Variants in FOXK1 observed in about 807,000 individuals in gnomAD.
The protein encoded by FOXK1 is forkhead box K1.
A neutral mutation model predicts 51.9 loss-of-function variants in FOXK1; 19 were observed. That is an observed-to-expected ratio of 0.37 (90% confidence interval 0.26 to 0.54). FOXK1 has a LOEUF of 0.54. Among genes scored for constraint, FOXK1 ranks in the 20% least tolerant of loss-of-function variants. FOXK1 has a pLI of 0.87. For missense variants in FOXK1, 870 were observed against 1,032.7 expected (o/e 0.84, Z 2.16); for synonymous variants, 537 against 482.6 (o/e 1.11, Z -1.48).
Position 4,762,291 on chromosome 7 carries a change from G to A in FOXK1, c.2029G>A (p.Ala677Thr), listed in dbSNP as rs776753169. The A allele has an allele frequency of 3.4e-5, 53 of 1,550,220 alleles. No homozygotes were observed. The East Asian group carries it at 4.6e-4, about 14-fold the overall frequency. ...VGPKEPAAAV[A>T]ATATTTPATA... ...GCCCAAGGAGCCAGCAGCAGCCGTC[G>A]CGGCCACGGCCACCACCACCCCAGC... The change falls in exon 9 of 9, where the codon GCG (alanine) becomes ACG (threonine). Residue 677 changes from alanine (A) to threonine (T), a missense_variant. By Grantham distance (58) the Ala-to-Thr change is moderately conservative. Coordinates refer to ENST00000328914, the MANE Select transcript of FOXK1 (RefSeq NM_001037165.2). The surrounding 1 kb of genome is among the most constrained non-coding windows in gnomAD (Gnocchi z 5.7).
Position 4,755,212 on chromosome 7 carries a change from TC to T in FOXK1, c.904-22del, listed in dbSNP as rs771259633. ...GACTCAGGGACCTTGCTGGAGCTCA[TC>T]CCGTGAGCCGTGTTTCTCCGCAGGA... On this transcript the variant is annotated intron_variant, in intron 3 of 8. Coordinates refer to ENST00000328914, the MANE Select transcript of FOXK1 (RefSeq NM_001037165.2). This position sits in a 1 kb window ranked among gnomAD's most constrained non-coding sequence, Gnocchi z 6.6. 8.7e-6 allele frequency: 14 copies of T among 1,611,554 alleles called. No homozygotes were observed. Among genetic ancestry groups the T allele is most frequent in the Non-Finnish European group, 1.2e-5 (14 of 1,178,624 alleles).
At position 4,767,646 on chromosome 7, in the gene FOXK1, G is replaced by A. The variant is rs758269685; in HGVS notation, c.*5182G>A. 1.3e-5 allele frequency: 2 copies of A among 152,146 alleles called. No homozygotes were observed. Among genetic ancestry groups the A allele is most frequent in the Non-Finnish European group, 2.9e-5 (2 of 68,032 alleles). The allele number at this position is 152,146 out of a possible 1,614,324, so 9.4% of individuals were successfully genotyped here. ...AAATATAACAAATGGTCTCTCGCCC[G>A]GTTCTGTCCCTTATTTTTAGATTGT... is the stretch of plus-strand genomic sequence containing the variant. On this transcript the variant is annotated 3_prime_UTR_variant, in exon 9 of 9. Transcript: ENST00000328914. This position sits in a 1 kb window ranked among gnomAD's most constrained non-coding sequence, Gnocchi z 6.6.
At chr7:4,739,162 C>T (rs1780596510) in intron 1 of FOXK1, among the ~76,000 whole-genome samples, 1 of 152,150 alleles carries the variant, frequency 6.6e-6, no homozygotes, top group Admixed American at 6.5e-5. Context: ...AGGCATAGAC[C>T]CAGCAGCCTG....
intron 1 of FOXK1, among the ~76,000 whole-genome samples, chr7:4,697,338 C>T (rs1479557699): frequency 2.6e-5 from 4 of 152,202 alleles, no homozygotes; most frequent in African/African-American, 7.2e-5. Context: ...AACAGCTAGC[C>T]GGTATTCACG....
intron 1 of FOXK1, among the ~76,000 whole-genome samples, chr7:4,716,087 G>A (rs1307718624): frequency 1.3e-5 from 2 of 152,138 alleles, no homozygotes; most frequent in Admixed American, 6.5e-5. Context: ...CAGGCGTGGT[G>A]GTGGGTGCCT....
At chr7:4,742,197 A>G (rs558378328) in intron 2 of FOXK1, among the ~76,000 whole-genome samples, 1 of 152,306 alleles carries the variant, frequency 6.6e-6, no homozygotes, top group Admixed American at 6.5e-5. Context: ...TGTTGTGAAC[A>G]TGGTGTTGAC....
rs1323789712 is a variant in FOXK1, at chr7:4,768,558, C to T, written c.*6094C>T. 1 of 152,746 alleles carries T rather than the reference C, an allele frequency of 6.5e-6. No individual in the cohort carries two copies. The highest frequency in any genetic ancestry group is 1.9e-4 in the East Asian group (1 of 5,186). 9.5% of individuals were successfully genotyped at this position (152,746 alleles called of 1,614,324 possible). On this transcript the variant is annotated 3_prime_UTR_variant, in exon 9 of 9. Coordinates refer to ENST00000328914, the MANE Select transcript of FOXK1 (RefSeq NM_001037165.2). ...TCCTCCTCAGGCAGAGGCTGCAGCC[C>T]TCAGCTCTGCTGCTGGATGGAACAT...
Position 4,707,689 on chromosome 7 carries a change from C to G in FOXK1, c.560+24821C>G, listed in dbSNP as rs899863594. 6.9e-6 allele frequency among the ~76,000 whole-genome samples: 1 copy of G among 144,436 alleles called. No individual in the cohort carries two copies. The highest frequency in any genetic ancestry group is 1.5e-5 in the Non-Finnish European group (1 of 65,732). 94.8% of individuals were successfully genotyped at this position (144,436 alleles called of 152,430 possible). ...CGTGTGCGACCAGTACTCCATTTCACTTTTTTTTTTTTTGAGACGGACTCT... is the reference window on the plus strand; with the variant it reads ...CGTGTGCGACCAGTACTCCATTTCAGTTTTTTTTTTTTTGAGACGGACTCT... On this transcript the variant is annotated intron_variant, in intron 1 of 8. Coordinates refer to ENST00000328914, the MANE Select transcript of FOXK1 (RefSeq NM_001037165.2). This position sits in a 1 kb window ranked among gnomAD's most constrained non-coding sequence, Gnocchi z 4.1.
intron 1 of FOXK1, among the ~76,000 whole-genome samples, chr7:4,710,523 C>G (rs1780161021): frequency 6.6e-6 from 1 of 152,202 alleles, no homozygotes; most frequent in South Asian, 2.1e-4. Context: ...TGCAGTGAGC[C>G]TCAATCGCGC....
At chr7:4,688,541 G>A (rs558957594) in intron 1 of FOXK1, among the ~76,000 whole-genome samples, 7 of 151,914 alleles carry the variant, frequency 4.6e-5, no homozygotes, top group South Asian at 4.2e-4. Context: ...GATTACAGGC[G>A]CTCGCCACGA....
Position 4,725,583 on chromosome 7 carries a change from C to T in FOXK1, c.561-15255C>T, listed in dbSNP as rs533207121. 7.2e-5 allele frequency among the ~76,000 whole-genome samples: 11 copies of T among 152,370 alleles called. 1 individual carries two copies. The highest frequency in any genetic ancestry group is 2.2e-4 in the African/African-American group (9 of 41,590). On this transcript the variant is annotated intron_variant, in intron 1 of 8. Transcript: ENST00000328914. ...CGGCCGGGCCCCTCCGGCCAGTCTG[C>T]GTGAACGGACTCTCCGGGCCTCGCC...
At chr7:4,740,479 T>C (rs1490623739) in intron 1 of FOXK1, among the ~76,000 whole-genome samples, 3 of 138,966 alleles carry the variant, frequency 2.2e-5, no homozygotes, top group Admixed American at 7.2e-5. Context: ...GGCGTGGTGG[T>C]GGGCGCTCGT....
intron 1 of FOXK1, among the ~76,000 whole-genome samples, chr7:4,706,908 C>G (rs184160017): frequency 2.0e-5 from 3 of 152,228 alleles, no homozygotes; most frequent in African/African-American, 7.2e-5. Flanking sequence ...CTCACCTCCC[C>G]CCGGGACTTC....
chr7:4,694,025 G>A (rs1348876753), intron 1 of FOXK1, among the ~76,000 whole-genome samples: 1 of 151,856 alleles, frequency 6.6e-6, no homozygotes, highest in Non-Finnish European at 1.5e-5. Flanking sequence ...ATACTACAGT[G>A]CCTACTTCCA....
rs117704110 is a variant in FOXK1 at position 4,758,215 on chromosome 7, C to T, written c.1245-836C>T. 2,828 of 152,376 alleles carry T rather than the reference C, an allele frequency of 0.019. 41 individuals carry two copies. The highest frequency in any genetic ancestry group is 0.048 in the Middle Eastern group (14 of 294). 9.4% of individuals were successfully genotyped at this position (152,376 alleles called of 1,614,324 possible). The stretch of plus-strand genomic sequence containing the variant: ...CTTTGCTTTTCGCAGATGCTGGGAA[C>T]GCAGCTCTGCTGCCGGCGGGGTGGA... On this transcript the variant is annotated intron_variant, in intron 5 of 8. Transcript: ENST00000328914. The surrounding 1 kb of genome is among the most constrained non-coding windows in gnomAD (Gnocchi z 4.4).
Position 4,729,581 on chromosome 7 carries a change from T to C in FOXK1, c.561-11257T>C, listed in dbSNP as rs532925360. Among the ~76,000 whole-genome samples, 188 of 148,696 alleles carry C rather than the reference T, an allele frequency of 1.3e-3. No individual in the cohort carries two copies. The highest frequency in any genetic ancestry group is 4.4e-3 in the African/African-American group (177 of 40,160). On this transcript the variant is annotated intron_variant, in intron 1 of 8. Transcript: ENST00000328914. This position sits in a 1 kb window ranked among gnomAD's most constrained non-coding sequence, Gnocchi z 6.2. ...ACACACACCTGAGCCCCAGGGAGGG[T>C]CGGTGGCCATGGCTGTGCTTGGCCG...
intron 1 of FOXK1, among the ~76,000 whole-genome samples, chr7:4,718,879 G>A (rs570893038): frequency 2.0e-5 from 3 of 152,240 alleles, no homozygotes; most frequent in Admixed American, 6.5e-5. Context: ...GCACAATCTC[G>A]GCTCCCCACA....
At chr7:4,737,702 C>T (rs1780574189) in intron 1 of FOXK1, among the ~76,000 whole-genome samples, 1 of 152,214 alleles carries the variant, frequency 6.6e-6, no homozygotes, top group South Asian at 2.1e-4. Context: ...TTCCTTGCTT[C>T]CCTAGGTCAG....
At chr7:4,728,811 G>A (rs1409283743) in intron 1 of FOXK1, among the ~76,000 whole-genome samples, 2 of 151,606 alleles carry the variant, frequency 1.3e-5, no homozygotes, top group African/African-American at 4.8e-5. Flanking sequence ...GGGAATTCAA[G>A]GAAGGCTGCC....
Sources: allele counts gnomAD v4.1 joint callset (sites outside exome capture counted in the v4.1 genomes callset), GRCh38; gene constraint gnomAD v4.1.1; non-coding constraint Gnocchi (gnomAD v3.1); transcripts MANE v1.5; gene names NCBI Gene and HGNC (gene_info 2026-07-23, HGNC 2026-07-21).